The following MEGF9 variants were observed in gnomAD, a reference collection of about 807,000 sequenced individuals.
MEGF9 encodes multiple EGF like domains 9, also known as multiple epidermal growth factor-like domains protein 9.
MEGF9 carries 6 observed loss-of-function variants against 46.8 expected under a neutral mutation model. The observed-to-expected ratio is 0.13, with a 90% CI of 0.07 to 0.25. The LOEUF (loss-of-function observed/expected upper bound fraction) is 0.25. MEGF9 is among the 10% of genes least tolerant of loss of function. The pLI is 1.00. For synonymous variants in MEGF9, 302 were observed against 330.7 expected (o/e 0.91, Z 0.94); for missense variants, 683 against 792.4 (o/e 0.86, Z 1.66).
intron 2 of MEGF9, 82 bp from the exon 3 acceptor site, chr9:120,622,837 G>A: frequency 7.1e-7 from 1 of 1,416,664 alleles, no homozygotes; most frequent in Non-Finnish European, 9.7e-7. Context: ...GGGAAAGAAA[G>A]CCCAGCTCAT....
intron 2 of MEGF9, among the ~76,000 whole-genome samples, chr9:120,628,620 A>G (rs767792791): frequency 2.0e-4 from 31 of 152,038 alleles, no homozygotes; most frequent in Non-Finnish European, 3.8e-4. Context: ...TGATGCCTGC[A>G]TATGAGGTGG....
At chr9:120,703,748 G>A (rs890408076) in intron 1 of MEGF9, among the ~76,000 whole-genome samples, 3 of 152,070 alleles carry the variant, frequency 2.0e-5, no homozygotes, top group African/African-American at 7.2e-5. Context: ...TGAGACGGGT[G>A]GATCACCTAA....
At chr9:120,711,209 A>G (rs1353947613) in intron 1 of MEGF9, among the ~76,000 whole-genome samples, 1 of 152,226 alleles carries the variant, frequency 6.6e-6, no homozygotes, top group Admixed American at 6.5e-5. Flanking sequence ...TCTGCTTTTT[A>G]AAGTGAAGCC....
At chr9:120,686,456 G>A (rs908351187) in intron 1 of MEGF9, among the ~76,000 whole-genome samples, 10 of 152,208 alleles carry the variant, frequency 6.6e-5, no homozygotes, top group African/African-American at 2.4e-4. Context: ...TCACAACAAT[G>A]TGAATATACT....
At chr9:120,624,394 A>G (rs1307761133) in intron 2 of MEGF9, among the ~76,000 whole-genome samples, 1 of 151,966 alleles carries the variant, frequency 6.6e-6, no homozygotes, top group African/African-American at 2.4e-5. Flanking sequence ...CATCCGGCTA[A>G]TTTTTGTATT....
At chr9:120,664,384 C>T (rs2043715849) in intron 1 of MEGF9, among the ~76,000 whole-genome samples, 1 of 152,116 alleles carries the variant, frequency 6.6e-6, no homozygotes, top group Non-Finnish European at 1.5e-5. Context: ...TTTCTGAGTG[C>T]TAAAATTATC....
At chr9:120,705,263 A>G (rs939870935) in intron 1 of MEGF9, among the ~76,000 whole-genome samples, 3 of 152,140 alleles carry the variant, frequency 2.0e-5, no homozygotes, top group African/African-American at 7.2e-5. Context: ...AGAGAAAGAC[A>G]GATTTTGTTC....
chr9:120,696,778 A>T (rs2043879018), intron 1 of MEGF9, among the ~76,000 whole-genome samples: 1 of 152,180 alleles, frequency 6.6e-6, no homozygotes, highest in Non-Finnish European at 1.5e-5. Flanking sequence ...GTGAAACATA[A>T]ATAGTATATT....
chr9:120,619,952 C>T (rs1055292363), intron 3 of MEGF9, among the ~76,000 whole-genome samples: 1 of 151,612 alleles, frequency 6.6e-6, no homozygotes, highest in South Asian at 2.1e-4. Context: ...CTTATCACAG[C>T]ACTGTTGAAA....
At chr9:120,660,203 G>GT (rs1284615389) in intron 1 of MEGF9, among the ~76,000 whole-genome samples, 3 of 151,988 alleles carry the variant, frequency 2.0e-5, no homozygotes, top group African/African-American at 7.2e-5. Flanking sequence ...GTTCTTTGTT[G>GT]TTTGTTTGTT....
chr9:120,605,211 G>T lies in MEGF9; in HGVS notation c.1788C>A (p.Pro596=), dbSNP rs1164855387. Residue 596 remains proline, a synonymous_variant, in exon 6 of 6, where the codon CCC becomes CCA. Coordinates refer to ENST00000373930, the MANE Select transcript of MEGF9 (RefSeq NM_001080497.3). This position sits in a 1 kb window ranked among gnomAD's most constrained non-coding sequence, Gnocchi z 4.0. Reference sequence around the variant, plus strand: ...CTCCTTAGGCTTTGTAGTTATGTATGGGCGTCGTCAGGGTCAGCTGCCCAT... The same window carrying T: ...CTCCTTAGGCTTTGTAGTTATGTATTGGCGTCGTCAGGGTCAGCTGCCCAT... ...APNGQLTLTT[P]IHNYKA 6.2e-7 allele frequency: 1 copy of T among 1,613,554 alleles called. No homozygotes were observed. Among genetic ancestry groups the T allele is most frequent in the East Asian group, 2.2e-5 (1 of 44,888 alleles).
At chr9:120,674,895 T>TTC (rs2043766023) in intron 1 of MEGF9, among the ~76,000 whole-genome samples, 1 of 151,048 alleles carries the variant, frequency 6.6e-6, no homozygotes, top group Non-Finnish European at 1.5e-5. Flanking sequence ...TTTTTTTTTT[T>TTC]CGAGACGGAG....
intron 1 of MEGF9, among the ~76,000 whole-genome samples, chr9:120,669,047 T>C (rs1280280678): frequency 6.6e-6 from 1 of 152,234 alleles, no homozygotes; most frequent in Non-Finnish European, 1.5e-5. Flanking sequence ...CTAATTCTTT[T>C]CATCTATCAT....
chr9:120,613,952 C>G (rs867349914), intron 3 of MEGF9, among the ~76,000 whole-genome samples: 2 of 151,718 alleles, frequency 1.3e-5, no homozygotes, highest in African/African-American at 4.8e-5. Flanking sequence ...GGTCTCACAA[C>G]TGAAGCAAAA....
chr9:120,662,274 C>T (rs1530370), intron 1 of MEGF9, among the ~76,000 whole-genome samples: 105,876 of 152,058 alleles, frequency 0.7, 37,008 homozygotes, highest in South Asian at 0.75. Context: ...GAACATACTC[C>T]GGTTAGTCCT....
chr9:120,656,716 CA>C (rs1564421883), intron 2 of MEGF9, among the ~76,000 whole-genome samples: 1 of 152,018 alleles, frequency 6.6e-6, no homozygotes, highest in Non-Finnish European at 1.5e-5. Context: ...CTTCTTAAGA[CA>C]AAACAACTTT....
chr9:120,634,191 GTGTTGAAA>G lies in MEGF9; in HGVS notation c.804-11444_804-11437del, dbSNP rs2132309714. On this transcript the variant is annotated intron_variant, in intron 2 of 5. Transcript: ENST00000373930. ...CCAATGTTGAGACGTTAGATATTGG[GTGTTGAAA>G]TCTGCAACTATTATTGTATTGGAGT... 2.0e-5 allele frequency among the ~76,000 whole-genome samples: 3 copies of G among 152,148 alleles called. No homozygotes were observed. In the East Asian group the frequency reaches 5.8e-4, roughly 29 times the overall value.
chr9:120,611,311 A>G (rs986951340), intron 4 of MEGF9, among the ~76,000 whole-genome samples: 1 of 152,206 alleles, frequency 6.6e-6, no homozygotes, highest in African/African-American at 2.4e-5. Context: ...TCACAGCAGC[A>G]TTATTTGTAA....
intron 1 of MEGF9, among the ~76,000 whole-genome samples, chr9:120,712,281 A>G (rs2043957506): frequency 6.6e-6 from 1 of 152,094 alleles, no homozygotes; most frequent in African/African-American, 2.4e-5. Flanking sequence ...AAAAACAAAA[A>G]AAGTCTTCAC....
Sources: gnomAD v4.1 joint callset for allele counts (sites outside exome capture counted in the v4.1 genomes callset) on GRCh38, gnomAD v4.1.1 for gene constraint, Gnocchi (gnomAD v3.1) non-coding constraint, MANE v1.5 for transcripts, NCBI Gene and HGNC (gene_info 2026-07-23, HGNC 2026-07-21) for gene names.